Variants in ARHGEF4 observed in about 807,000 individuals in gnomAD.
ARHGEF4 encodes APC-stimulated guanine nucleotide exchange factor 1.
In ARHGEF4, 119 loss-of-function variants were observed where a neutral mutation model predicts 162.0. That is an observed-to-expected ratio of 0.73 (90% confidence interval 0.63 to 0.86). ARHGEF4 has a LOEUF of 0.86. Among genes scored for constraint, ARHGEF4 ranks in the 40% least tolerant of loss-of-function variants. ARHGEF4 has a pLI of 0.00. For synonymous variants in ARHGEF4, 1,014 were observed against 979.9 expected, an observed-to-expected ratio of 1.03 and a Z score of -0.65; for missense variants, 2,488 against 2,456.0, an observed-to-expected ratio of 1.01 and a Z score of -0.28.
At chr2:131,011,789 A>G (rs1025120615) in intron 4 of ARHGEF4, 3 of 861,364 alleles carry the variant, frequency 3.5e-6, no homozygotes, top group African/African-American at 3.3e-5. Flanking sequence ...GATGTGATTT[A>G]TTGTAGTTTA....
chr2:130,952,909 T>C (rs1368115437), intron 4 of ARHGEF4, among the ~76,000 whole-genome samples: 1 of 151,946 alleles, frequency 6.6e-6, no homozygotes, highest in Non-Finnish European at 1.5e-5. Flanking sequence ...TAAAAGAGGA[T>C]ACAAACAAAT....
intron 1 of ARHGEF4, among the ~76,000 whole-genome samples, chr2:130,907,459 C>T (rs546510552): frequency 1.3e-4 from 20 of 151,374 alleles, no homozygotes; most frequent in South Asian, 4.2e-4. Context: ...CCTCGTGATC[C>T]GCCCACCTCA....
chr2:130,926,048 C>CTTTCTTTCTTTCTTTCTCTTTCTTTCTT, intron 2 of ARHGEF4, among the ~76,000 whole-genome samples: 811 of 52,844 alleles, frequency 0.015, 4 homozygotes, highest in Non-Finnish European at 0.022. Context: ...TTCTTTCTTT[C>CTTTCTTTCTTTCTTTCTCTTTCTTTCTT]TCTTTCTTTC....
chr2:131,032,109 C>T (rs1016225040), intron 5 of ARHGEF4, among the ~76,000 whole-genome samples: 14 of 152,164 alleles, frequency 9.2e-5, no homozygotes, highest in African/African-American at 2.7e-4. Context: ...TCTGCCCCAC[C>T]TCATGGAGTG....
chr2:130,897,555 G>A (rs527780519), intron 1 of ARHGEF4, among the ~76,000 whole-genome samples: 1 of 152,342 alleles, frequency 6.6e-6, no homozygotes, highest in South Asian at 2.1e-4. Context: ...GAGGCAGAAG[G>A]CGTGGGTTTG....
In ARHGEF4 at chr2:131,023,072, CTCAAAAAAA is replaced by C. The variant is rs1292376265; in HGVS notation, c.3986-4872_3986-4864del. ...CCTGGGCAACATGGTGAAACCCTGT[CTCAAAAAAA>C]AAAAAAAAAAAAAAGAACTTTCAAA... On this transcript the variant is annotated intron_variant, in intron 4 of 13. Transcript: ENST00000409359. Among the ~76,000 whole-genome samples the C allele has an allele frequency of 1.1e-3, 6 of 5,604 alleles. 1 individual carries two copies. Among genetic ancestry groups the C allele is most frequent in the Admixed American group, 4.0e-3 (3 of 746 alleles). The allele number at this position is 5,604 out of a possible 152,430, so 3.7% of individuals were successfully genotyped here.
chr2:130,902,273 C>G (rs1290520024), intron 1 of ARHGEF4, among the ~76,000 whole-genome samples: 2 of 147,294 alleles, frequency 1.4e-5, no homozygotes, highest in African/African-American at 4.9e-5. Context: ...CTTTCTGTCT[C>G]TTGACAGAAC....
intron 4 of ARHGEF4, among the ~76,000 whole-genome samples, chr2:130,968,268 C>T (rs1456595788): frequency 6.6e-6 from 1 of 152,182 alleles, no homozygotes; most frequent in Non-Finnish European, 1.5e-5. Context: ...AGTGTTTAAA[C>T]ATCCCCAAGC....
chr2:131,028,683 GCCCCTCTCTTTCTCACTCACCCT>G (rs1689638508), intron 5 of ARHGEF4, among the ~76,000 whole-genome samples: 1 of 152,112 alleles, frequency 6.6e-6, no homozygotes, highest in Non-Finnish European at 1.5e-5. Context: ...ATGCTTTAAC[GCCCCTCTCTTTCTCACTCACCCT>G]CCTACTTTCT....
intron 5 of ARHGEF4, chr2:131,035,252 CCTTCCGCTG>C: frequency 8.2e-7 from 1 of 1,223,652 alleles, no homozygotes; most frequent in South Asian, 4.1e-5. Context: ...TTCCTGCTGG[CCTTCCGCTG>C]AGCGGCCGCG....
chr2:131,002,998 C>T (rs1327327224), intron 4 of ARHGEF4, among the ~76,000 whole-genome samples: 1 of 152,148 alleles, frequency 6.6e-6, no homozygotes, highest in Admixed American at 6.5e-5. Flanking sequence ...GATATTTTTG[C>T]ACCCCAACTT....
intron 2 of ARHGEF4, among the ~76,000 whole-genome samples, chr2:130,923,599 G>A (rs1429703481): frequency 2.0e-5 from 3 of 152,192 alleles, no homozygotes; most frequent in Admixed American, 6.5e-5. Flanking sequence ...CAGGATGTCC[G>A]TCCTCACAGC....
In ARHGEF4 at chr2:130,976,447, C is replaced by T. The variant is rs375608797; in HGVS notation, c.3985+29812C>T. Among the ~76,000 whole-genome samples, 10 of 152,094 alleles carry T rather than the reference C, an allele frequency of 6.6e-5. No individual in the cohort carries two copies. In the East Asian group the frequency reaches 1.6e-3, roughly 24 times the overall value. On this transcript the variant is annotated intron_variant, in intron 4 of 13. Coordinates refer to ENST00000409359, the MANE Select transcript of ARHGEF4 (RefSeq NM_001367493.1). ...TTTCCTGCTTGCACCTGCACGCAGA[C>T]GCTGCACACCTTTCCTGAGCTCTGA...
intron 1 of ARHGEF4, among the ~76,000 whole-genome samples, chr2:130,885,679 C>T (rs1032133000): frequency 6.7e-6 from 1 of 149,864 alleles, no homozygotes; most frequent in Non-Finnish European, 1.5e-5. Flanking sequence ...AAGCGATTCT[C>T]CTGCCTCAGC....
chr2:130,898,913 C>T (rs773467815), intron 1 of ARHGEF4, among the ~76,000 whole-genome samples: 5 of 152,064 alleles, frequency 3.3e-5, no homozygotes, highest in Non-Finnish European at 5.9e-5. Flanking sequence ...ATAGGGGGCC[C>T]CAGGAAGATC....
At chr2:130,992,526 C>T (rs1486692728) in intron 4 of ARHGEF4, among the ~76,000 whole-genome samples, 6 of 151,996 alleles carry the variant, frequency 3.9e-5, no homozygotes, top group Admixed American at 3.3e-4. Flanking sequence ...ACTCCTGAGC[C>T]AGCGAGACCA....
intron 1 of ARHGEF4, among the ~76,000 whole-genome samples, chr2:130,885,966 G>A (rs991963349): frequency 6.6e-6 from 1 of 151,992 alleles, no homozygotes; most frequent in Middle Eastern, 3.2e-3. Flanking sequence ...TAATCACACT[G>A]TGAATCAAGA....
rs370628398 is a variant in ARHGEF4 at position 130,999,637 on chromosome 2, C to CT, written c.3986-28308_3986-28307insT. Reference sequence around the variant, plus strand: ...AAGTTTTTGAGTGTTGTTTCCCTAACCCATTTTTCCTAAATCTTGCATTTT... The same window carrying CT: ...AAGTTTTTGAGTGTTGTTTCCCTAACTCCATTTTTCCTAAATCTTGCATTTT... On this transcript the variant is annotated intron_variant, in intron 4 of 13. Transcript: ENST00000409359. Among the ~76,000 whole-genome samples the CT allele has an allele frequency of 5.0e-3, 766 of 152,242 alleles. 11 individuals carry two copies. The highest frequency in any genetic ancestry group is 0.018 in the African/African-American group (728 of 41,540).
chr2:130,883,499 C>T (rs1207723072), intron 1 of ARHGEF4, among the ~76,000 whole-genome samples: 1 of 152,174 alleles, frequency 6.6e-6, no homozygotes, highest in Non-Finnish European at 1.5e-5. Flanking sequence ...CTTCATCTTT[C>T]TTTTCCTTCC....
Sources: allele counts gnomAD v4.1 joint callset (sites outside exome capture counted in the v4.1 genomes callset), GRCh38; gene constraint gnomAD v4.1.1; transcripts MANE v1.5; gene names NCBI Gene and HGNC (gene_info 2026-07-23, HGNC 2026-07-21).